CNTNAP2: variants seen among roughly 807,000 people sequenced by gnomAD.
CNTNAP2 encodes contactin associated protein 2.
A neutral mutation model predicts 155.2 loss-of-function variants in CNTNAP2; 98 were observed. The observed-to-expected ratio is 0.63, with a 90% CI of 0.54 to 0.75. The LOEUF is 0.75. CNTNAP2 is among the 30% of genes least tolerant of loss of function. The probability of loss-of-function intolerance (pLI) is 0.00; values close to 1 mark genes in which losing one functional copy is unlikely to be tolerated. For missense variants in CNTNAP2, 1,727 were observed against 1,688.1 expected, an observed-to-expected ratio of 1.02 and a Z score of -0.40; for synonymous variants, 651 against 631.2, an observed-to-expected ratio of 1.03 and a Z score of -0.47.
At chr7:147,052,793 G>T (rs1010728204) in intron 4 of CNTNAP2, among the ~76,000 whole-genome samples, 5 of 151,978 alleles carry the variant, frequency 3.3e-5, no homozygotes, top group African/African-American at 7.2e-5. Context: ...TCACTGCCAA[G>T]TTATACAAGA....
At chr7:146,551,935 T>A (rs949968327) in intron 1 of CNTNAP2, among the ~76,000 whole-genome samples, 1 of 152,092 alleles carries the variant, frequency 6.6e-6, no homozygotes, top group Non-Finnish European at 1.5e-5. Context: ...TTTTAATGTA[T>A]GTGATGAGTA....
At chr7:147,391,879 G>A (rs534725392) in intron 9 of CNTNAP2, among the ~76,000 whole-genome samples, 5 of 151,512 alleles carry the variant, frequency 3.3e-5, no homozygotes, top group African/African-American at 1.2e-4. Context: ...ACCATCTGGA[G>A]AGATTGGAAT....
At chr7:146,444,744 G>T (rs1456916778) in intron 1 of CNTNAP2, among the ~76,000 whole-genome samples, 1 of 148,334 alleles carries the variant, frequency 6.7e-6, no homozygotes, top group African/African-American at 2.5e-5. Flanking sequence ...TGCAACTTCT[G>T]CCCCCCAGGT....
intron 1 of CNTNAP2, among the ~76,000 whole-genome samples, chr7:146,189,941 C>T (rs1025006493): frequency 1.3e-5 from 2 of 152,124 alleles, no homozygotes; most frequent in Admixed American, 1.3e-4. Context: ...TCTAATGTTT[C>T]TTTTGCACAT....
At chr7:148,270,255 G>C (rs190205700) in intron 21 of CNTNAP2, among the ~76,000 whole-genome samples, 21 of 152,332 alleles carry the variant, frequency 1.4e-4, no homozygotes, top group Middle Eastern at 3.4e-3. Context: ...AGTGTACCAT[G>C]AGCCTCAGAT....
At chr7:148,361,874 C>T (rs932157986) in intron 21 of CNTNAP2, among the ~76,000 whole-genome samples, 6 of 152,140 alleles carry the variant, frequency 3.9e-5, no homozygotes, top group African/African-American at 1.4e-4. Flanking sequence ...TGAGTGCCAG[C>T]AGGGGAAATG....
At chr7:147,859,472 T>C (rs550491464) in intron 13 of CNTNAP2, among the ~76,000 whole-genome samples, 142 of 150,928 alleles carry the variant, frequency 9.4e-4, no homozygotes, top group African/African-American at 3.2e-3. Context: ...CAGCTAATAA[T>C]GCAAGTTTGT....
At chr7:147,314,655 A>T (rs984005729) in intron 9 of CNTNAP2, among the ~76,000 whole-genome samples, 3 of 151,074 alleles carry the variant, frequency 2.0e-5, no homozygotes, top group African/African-American at 7.3e-5. Flanking sequence ...TAAAAAAAAA[A>T]ATCCTTTAAT....
chr7:147,884,645 G>GA (rs1563123265), intron 13 of CNTNAP2, among the ~76,000 whole-genome samples: 3 of 152,058 alleles, frequency 2.0e-5, no homozygotes, highest in South Asian at 4.1e-4. Context: ...CTGTTGTCAG[G>GA]AAAAAAAGAA....
chr7:147,622,112 A>G (rs545156123), intron 12 of CNTNAP2, among the ~76,000 whole-genome samples: 28 of 152,138 alleles, frequency 1.8e-4, no homozygotes, highest in African/African-American at 6.7e-4. Context: ...TATGCATTTA[A>G]CAGTGGAGTA....
intron 3 of CNTNAP2, among the ~76,000 whole-genome samples, chr7:146,840,360 C>T (rs1803697216): frequency 6.6e-6 from 1 of 152,118 alleles, no homozygotes; most frequent in Admixed American, 6.6e-5. Context: ...TATTACAGAT[C>T]TATGTTCACT....
intron 2 of CNTNAP2, among the ~76,000 whole-genome samples, chr7:146,838,673 G>A (rs1024138263): frequency 6.6e-6 from 1 of 152,090 alleles, no homozygotes; most frequent in African/African-American, 2.4e-5. Flanking sequence ...TTCTATCATA[G>A]TTTTAAGCAA....
intron 11 of CNTNAP2, among the ~76,000 whole-genome samples, chr7:147,489,858 G>A (rs1051653415): frequency 2.0e-5 from 3 of 152,094 alleles, no homozygotes; most frequent in Non-Finnish European, 4.4e-5. Flanking sequence ...CTCATGATCT[G>A]CCCGCCTTGG....
rs111626237 is a variant in CNTNAP2, at chr7:147,788,482, A to G, written c.2099-115083A>G. ...TCAAGATGCTCAACCAGAGTCCCAC[A>G]CAGAGACCATACTTCAGTGATGTTT... On this transcript the variant is annotated intron_variant, in intron 13 of 23. Coordinates refer to ENST00000361727, the MANE Select transcript of CNTNAP2 (RefSeq NM_014141.6). 5.8e-4 allele frequency among the ~76,000 whole-genome samples: 88 copies of G among 152,342 alleles called. 1 individual carries two copies. The highest frequency in any genetic ancestry group is 2.0e-3 in the African/African-American group (85 of 41,584).
intron 1 of CNTNAP2, among the ~76,000 whole-genome samples, chr7:146,526,760 C>T (rs1348707969): frequency 4.6e-5 from 7 of 152,048 alleles, no homozygotes; most frequent in Admixed American, 3.3e-4. Flanking sequence ...CTGAATTGTT[C>T]AAACATTTTG....
intron 2 of CNTNAP2, among the ~76,000 whole-genome samples, chr7:146,792,637 A>G (rs1802694997): frequency 6.6e-6 from 1 of 152,180 alleles, no homozygotes; most frequent in African/African-American, 2.4e-5. Context: ...ATTCATTTGC[A>G]TGTGGGATTA....
At chr7:147,382,194 T>C (rs1045057650) in intron 9 of CNTNAP2, among the ~76,000 whole-genome samples, 2 of 152,174 alleles carry the variant, frequency 1.3e-5, no homozygotes, top group African/African-American at 4.8e-5. Context: ...TTTTCAAAAT[T>C]CCTGAGTTTG....
chr7:147,424,572 A>G (rs568621289), intron 10 of CNTNAP2, among the ~76,000 whole-genome samples: 1 of 152,092 alleles, frequency 6.6e-6, no homozygotes, highest in South Asian at 2.1e-4. Flanking sequence ...TTGGACTTAT[A>G]CTGCTTCCTG....
rs56977512 is a variant in CNTNAP2, at chr7:147,629,406, AAATAATAATAATAATAAT to A, written c.1898-9674_1898-9657del. On this transcript the variant is annotated intron_variant, in intron 12 of 23. Transcript: ENST00000361727. ...CAACAAGAGCAAAACTCTGTCTCAA[AAATAATAATAATAATAAT>A]AATAATAATAATAATAATAATAATA... 3.0e-4 allele frequency among the ~76,000 whole-genome samples: 42 copies of A among 140,946 alleles called. 1 individual carries two copies. The highest frequency in any genetic ancestry group is 9.2e-4 in the South Asian group (4 of 4,362). The allele number at this position is 140,946 out of a possible 152,430, so 92.5% of individuals were successfully genotyped here. A position where few individuals can be genotyped will look rare whatever the true frequency, so the allele number is the denominator to read the frequency against.
Sources: gnomAD v4.1 joint callset for allele counts (sites outside exome capture counted in the v4.1 genomes callset) on GRCh38, gnomAD v4.1.1 for gene constraint, MANE v1.5 for transcripts, NCBI Gene and HGNC (gene_info 2026-07-23, HGNC 2026-07-21) for gene names.